Variants in POTEM observed in about 807,000 individuals in gnomAD.
POTEM encodes the protein putative POTE ankyrin domain family member M.
For synonymous variants in POTEM, 8 were observed against 113.2 expected (o/e 0.07, Z 5.90); for missense variants, 24 against 343.0 (o/e 0.07, Z 7.35).
At chr14:18,968,771 C>T (rs1354726451) in intron 1 of POTEM, among the ~76,000 whole-genome samples, 8 of 152,220 alleles carry the variant, frequency 5.3e-5, no homozygotes, top group Admixed American at 2.6e-4. Context: ...TGCAGTGAGC[C>T]GAGATCACGC....
At chr14:18,975,027 C>G (rs1890931735) in intron 3 of POTEM, 1 of 352,158 alleles carries the variant, frequency 2.8e-6, no homozygotes, top group African/African-American at 2.5e-5. Flanking sequence ...GTGTGAGCCA[C>G]CATTCCTGGC....
chr14:18,969,289 GTATATATA>G (rs1239314457), intron 1 of POTEM, among the ~76,000 whole-genome samples: 1 of 94,818 alleles, frequency 1.1e-5, no homozygotes, highest in African/African-American at 4.9e-5. Context: ...ATATACACAT[GTATATATA>G]TGTATATACG....
At chr14:18,968,285 T>C (rs1890810761) in intron 1 of POTEM, among the ~76,000 whole-genome samples, 1 of 152,298 alleles carries the variant, frequency 6.6e-6, no homozygotes, top group Non-Finnish European at 1.5e-5. Flanking sequence ...TGCAGCAGAT[T>C]ATTTTTAATG....
intron 6 of POTEM, among the ~76,000 whole-genome samples, chr14:18,983,200 CTAA>C (rs1208860087): frequency 7.5e-6 from 1 of 132,996 alleles, no homozygotes; most frequent in African/African-American, 3.2e-5. Context: ...CTGACTCTCA[CTAA>C]TAAGACTTGT....
At chr14:18,969,306 C>A (rs79386178) in intron 1 of POTEM, among the ~76,000 whole-genome samples, 1 of 45,602 alleles carries the variant, frequency 2.2e-5, no homozygotes, top group African/African-American at 1.0e-4. Context: ...TATGTATATA[C>A]GTATATATAT....
At position 19,002,747 on chromosome 14, in the gene POTEM, C is replaced by G. The variant is rs201052222; in HGVS notation, c.*4082C>G. Among the ~76,000 whole-genome samples the G allele has an allele frequency of 8.0e-5, 12 of 150,796 alleles. No individual in the cohort carries two copies. Among genetic ancestry groups the G allele is most frequent in the Non-Finnish European group, 1.8e-4 (12 of 67,596 alleles). ...GAGAGCTGCAGCAAGGTGGCCCCTACGGCCACGCACCAGCCTGCACATTAC... is the reference window on the plus strand; with the variant it reads ...GAGAGCTGCAGCAAGGTGGCCCCTAGGGCCACGCACCAGCCTGCACATTAC... On this transcript the variant is annotated 3_prime_UTR_variant, in exon 11 of 11. Coordinates refer to ENST00000547889, the MANE Select transcript of POTEM (RefSeq NM_001145442.1).
intron 6 of POTEM, among the ~76,000 whole-genome samples, chr14:18,982,802 T>C: frequency 1.5e-5 from 1 of 67,816 alleles, no homozygotes; most frequent in African/African-American, 5.3e-5. Context: ...AGCTTAATTT[T>C]TTTCCCGTAA....
intron 1 of POTEM, among the ~76,000 whole-genome samples, chr14:18,968,271 T>G (rs67489753): frequency 6.7e-6 from 1 of 149,634 alleles, no homozygotes; most frequent in Non-Finnish European, 1.5e-5. Flanking sequence ...CGCAACATTG[T>G]CGATGCAGCA....
chr14:18,968,788 A>C (rs1890826095), intron 1 of POTEM, among the ~76,000 whole-genome samples: 1 of 152,300 alleles, frequency 6.6e-6, no homozygotes. Context: ...ACGCCACTGT[A>C]CTCCAGCCTG....
rs1196067597 is a variant in POTEM, at chr14:18,969,315, A to ATATG, written c.521+1310_521+1311insATGT. On this transcript the variant is annotated intron_variant, in intron 1 of 10. Transcript: ENST00000547889. ...TATATATATGTATATACGTATATAT[A>ATATG]TGTATATATATATATATACGTATAT... is the stretch of plus-strand genomic sequence containing the variant. Among the ~76,000 whole-genome samples the ATATG allele has an allele frequency of 8.0e-5, 8 of 99,562 alleles. No individual in the cohort carries two copies. In the East Asian group the frequency reaches 9.8e-4, roughly 12 times the overall value. 65.3% of individuals were successfully genotyped at this position (99,562 alleles called of 152,430 possible).
Position 19,000,292 on chromosome 14 carries a change from A to AAG in POTEM, c.*1628_*1629insGA, listed in dbSNP as rs1325837676. On this transcript the variant is annotated 3_prime_UTR_variant, in exon 11 of 11. Transcript: ENST00000547889. ...GTTTCAGGAAGCCCCTTGCCCTTCT[A>AAG]AAAGCCACCCCACTTCTCTCTAAGG... Among the ~76,000 whole-genome samples the AAG allele has an allele frequency of 7.4e-6, 1 of 134,318 alleles. No homozygotes were observed. Among genetic ancestry groups the AAG allele is most frequent in the African/African-American group, 3.1e-5 (1 of 32,094 alleles). The allele number at this position is 134,318 out of a possible 152,430, so 88.1% of individuals were successfully genotyped here.
At chr14:18,969,378 T>TATATAC (rs1491197283) in intron 1 of POTEM, among the ~76,000 whole-genome samples, 3 of 107,528 alleles carry the variant, frequency 2.8e-5, no homozygotes, top group Admixed American at 1.8e-4. Context: ...TATATATATA[T>TATATAC]ACACAAAATT....
chr14:18,993,043 C>T lies in POTEM; in HGVS notation c.1410-3998C>T, dbSNP rs1891263810. ...ACCTGAGGAGATGGGATTACAGGCG[C>T]GTGCCATGATGCCAGGCTAATTTTC... On this transcript the variant is annotated intron_variant, in intron 9 of 10. Coordinates refer to ENST00000547889, the MANE Select transcript of POTEM (RefSeq NM_001145442.1). Among the ~76,000 whole-genome samples the T allele has an allele frequency of 2.9e-5, 2 of 68,976 alleles. 1 individual carries two copies. The highest frequency in any genetic ancestry group is 2.9e-4 in the Admixed American group (2 of 6,958). The allele number at this position is 68,976 out of a possible 152,430, so 45.3% of individuals were successfully genotyped here.
rs1303797258 is a variant in POTEM, at chr14:18,993,239, T to C, written c.1410-3802T>C. On this transcript the variant is annotated intron_variant, in intron 9 of 10. Coordinates refer to ENST00000547889, the MANE Select transcript of POTEM (RefSeq NM_001145442.1). Reference sequence around the variant, plus strand: ...TAAAAAAATATTAGGGTGGTAAATGTAATGGACTCACAAATTGTTTCCAAG... The same window carrying C: ...TAAAAAAATATTAGGGTGGTAAATGCAATGGACTCACAAATTGTTTCCAAG... Among the ~76,000 whole-genome samples the C allele has an allele frequency of 6.1e-5, 4 of 65,060 alleles. 2 individuals are homozygous for C. The highest frequency in any genetic ancestry group is 3.3e-4 in the African/African-American group (4 of 12,048). The allele number at this position is 65,060 out of a possible 152,430, so 42.7% of individuals were successfully genotyped here.
At chr14:18,972,077 A>C (rs1255407941) in intron 1 of POTEM, among the ~76,000 whole-genome samples, 1 of 149,302 alleles carries the variant, frequency 6.7e-6, no homozygotes, top group Non-Finnish European at 1.5e-5. Flanking sequence ...TACTTAATGT[A>C]AGGCACCAGA....
intron 1 of POTEM, among the ~76,000 whole-genome samples, chr14:18,969,380 C>T (rs867935378): frequency 0.023 from 1,322 of 57,506 alleles, 1 homozygote; most frequent in African/African-American, 0.073. Context: ...TATATATATA[C>T]ACAAAATTTC....
chr14:18,975,550 A>AT (rs1890944924), intron 3 of POTEM, among the ~76,000 whole-genome samples: 2 of 142,538 alleles, frequency 1.4e-5, no homozygotes, highest in Non-Finnish European at 3.0e-5. Flanking sequence ...ATGTTGGAAA[A>AT]TTTTTTCAGA....
In POTEM at chr14:19,003,429, CA is replaced by C. The variant is rs748417932; in HGVS notation, c.*4768del. Among the ~76,000 whole-genome samples the C allele has an allele frequency of 0.041, 4,646 of 112,494 alleles. No homozygotes were observed. Among genetic ancestry groups the C allele is most frequent in the South Asian group, 0.056 (187 of 3,354 alleles). The allele number at this position is 112,494 out of a possible 152,430, so 73.8% of individuals were successfully genotyped here. On this transcript the variant is annotated 3_prime_UTR_variant, in exon 11 of 11. Coordinates refer to ENST00000547889, the MANE Select transcript of POTEM (RefSeq NM_001145442.1). Reference sequence around the variant, plus strand: ...CAGGTGTTGCACTCCTACTTTCTGACAAAACAGACTATGCGAATAAAGATAA... The same window carrying C: ...CAGGTGTTGCACTCCTACTTTCTGACAAACAGACTATGCGAATAAAGATAA...
chr14:18,969,316 T>TATATATATATAC (rs1555341454), intron 1 of POTEM, among the ~76,000 whole-genome samples: 1 of 20,502 alleles, frequency 4.9e-5, no homozygotes, highest in Non-Finnish European at 1.1e-4. Flanking sequence ...CGTATATATA[T>TATATATATATAC]GTATATATAT....
Sources: allele counts gnomAD v4.1 joint callset (sites outside exome capture counted in the v4.1 genomes callset), GRCh38; gene constraint gnomAD v4.1.1; transcripts MANE v1.5; gene names NCBI Gene and HGNC (gene_info 2026-07-23, HGNC 2026-07-21).